The following PTPRG variants were observed in gnomAD, a reference collection of about 807,000 sequenced individuals.
The protein encoded by PTPRG is receptor-type tyrosine-protein phosphatase gamma.
PTPRG carries 102 observed loss-of-function variants against 165.3 expected under a neutral mutation model. That is an observed-to-expected ratio of 0.62 (90% CI 0.53 to 0.73). PTPRG has a LOEUF of 0.73. PTPRG is among the 30% of genes least tolerant of loss of function. The pLI, the probability that PTPRG is intolerant of heterozygous loss-of-function variation, is 0.00. For missense variants in PTPRG, 1,866 were observed against 1,861.4 expected (o/e 1.00, Z -0.05); for synonymous variants, 675 against 669.5 (o/e 1.01, Z -0.13).
At chr3:62,263,030 A>G (rs529616632) in intron 17 of PTPRG, 136 bp downstream of exon 17, 3 of 658,580 alleles carry the variant, frequency 4.6e-6, no homozygotes, top group Non-Finnish European at 7.9e-6. Flanking sequence ...TCATTAGCCC[A>G]TCTTCAACAG....
At chr3:61,754,393 C>A (rs914762266) in intron 2 of PTPRG, among the ~76,000 whole-genome samples, 2 of 152,072 alleles carry the variant, frequency 1.3e-5, no homozygotes, top group African/African-American at 4.8e-5. Flanking sequence ...TTATATGCCA[C>A]CTCACTACAC....
chr3:62,254,909 A>G lies in PTPRG; in HGVS notation c.2468-215A>G, dbSNP rs1024243142. On this transcript the variant is annotated intron_variant, in intron 15 of 29. Coordinates refer to ENST00000474889, the MANE Select transcript of PTPRG (RefSeq NM_002841.4). The surrounding 1 kb of genome is among the most constrained non-coding windows in gnomAD (Gnocchi z 4.6). ...CTCTATGTACCTTTTTTTAAAAACCATATTTAACCTGGCTTGTAGGCATTA... is the reference window on the plus strand; with the variant it reads ...CTCTATGTACCTTTTTTTAAAAACCGTATTTAACCTGGCTTGTAGGCATTA... Among the ~76,000 whole-genome samples, 31 of 152,102 alleles carry G rather than the reference A, an allele frequency of 2.0e-4. No individual in the cohort carries two copies. The highest frequency in any genetic ancestry group is 1.5e-5 in the Non-Finnish European group (1 of 68,002).
At chr3:62,268,423 C>T (rs977876632) in intron 19 of PTPRG, among the ~76,000 whole-genome samples, 9 of 152,080 alleles carry the variant, frequency 5.9e-5, no homozygotes, top group African/African-American at 1.9e-4. Flanking sequence ...GTGCATCAAA[C>T]CACTATGGCA....
intron 1 of PTPRG, among the ~76,000 whole-genome samples, chr3:61,731,608 A>G (rs1161845913): frequency 6.6e-6 from 1 of 151,914 alleles, no homozygotes; most frequent in Non-Finnish European, 1.5e-5. Flanking sequence ...CGGCCTCCCA[A>G]AGTGCTGGGA....
At position 62,210,743 on chromosome 3, in the gene PTPRG, T is replaced by C. The variant is rs2106862070; in HGVS notation, c.2155+6793T>C. Among the ~76,000 whole-genome samples, 1 of 152,338 alleles carries C rather than the reference T, an allele frequency of 6.6e-6. No homozygotes were observed. Among genetic ancestry groups the C allele is most frequent in the Admixed American group, 6.5e-5 (1 of 15,300 alleles). On this transcript the variant is annotated intron_variant, in intron 12 of 29. Coordinates refer to ENST00000474889, the MANE Select transcript of PTPRG (RefSeq NM_002841.4). The surrounding 1 kb of genome is among the most constrained non-coding windows in gnomAD (Gnocchi z 4.1). ...GACCTTTATGATGACCCACTTCCACTTAATGAATAGTAAATATAAATATGT... is the reference window on the plus strand; with the variant it reads ...GACCTTTATGATGACCCACTTCCACCTAATGAATAGTAAATATAAATATGT...
chr3:61,912,348 C>G (rs2038823307), intron 2 of PTPRG, among the ~76,000 whole-genome samples: 1 of 152,002 alleles, frequency 6.6e-6, no homozygotes, highest in Non-Finnish European at 1.5e-5. Flanking sequence ...GAGGAATTTG[C>G]ATAATGAAGA....
intron 4 of PTPRG, among the ~76,000 whole-genome samples, chr3:62,046,672 A>T (rs1249191524): frequency 2.0e-5 from 3 of 151,878 alleles, no homozygotes; most frequent in East Asian, 1.9e-4. Flanking sequence ...TTTTTTTTTT[A>T]AATCAGACTT....
At chr3:62,008,549 A>G (rs754223374) in intron 4 of PTPRG, among the ~76,000 whole-genome samples, 2 of 152,196 alleles carry the variant, frequency 1.3e-5, no homozygotes, top group African/African-American at 2.4e-5. Flanking sequence ...CAGGTCTGCA[A>G]TCCCTTATCT....
intron 5 of PTPRG, among the ~76,000 whole-genome samples, chr3:62,117,571 G>C (rs1023645052): frequency 1.7e-4 from 26 of 151,982 alleles, no homozygotes; most frequent in African/African-American, 6.0e-4. Context: ...AAGCCTCCCC[G>C]GTTGGTAACA....
At chr3:61,956,308 ACG>A (rs2107634017) in intron 2 of PTPRG, among the ~76,000 whole-genome samples, 1 of 145,698 alleles carries the variant, frequency 6.9e-6, no homozygotes, top group South Asian at 2.2e-4. Context: ...ACACACACAC[ACG>A]CTTACTACAT....
rs755055468 is a variant in PTPRG, at chr3:62,083,427, C to T, written c.615+5169C>T. 4.6e-5 allele frequency among the ~76,000 whole-genome samples: 7 copies of T among 152,158 alleles called. No individual in the cohort carries two copies. The East Asian group carries it at 9.7e-4, about 21-fold the overall frequency. Reference sequence around the variant, plus strand: ...TGCCATTACTTTTAAAGGCAAAAACCGCAATTACTTTTGCAGCAACCTAAA... The same window carrying T: ...TGCCATTACTTTTAAAGGCAAAAACTGCAATTACTTTTGCAGCAACCTAAA... On this transcript the variant is annotated intron_variant, in intron 5 of 29. Transcript: ENST00000474889.
chr3:61,641,308 A>G (rs543933185), intron 1 of PTPRG, among the ~76,000 whole-genome samples: 3 of 152,318 alleles, frequency 2.0e-5, no homozygotes, highest in African/African-American at 7.2e-5. Flanking sequence ...ATGGAAACAG[A>G]TGAAGTCCCT....
At chr3:62,180,130 C>T (rs940912054) in intron 8 of PTPRG, among the ~76,000 whole-genome samples, 7 of 152,192 alleles carry the variant, frequency 4.6e-5, no homozygotes, top group Non-Finnish European at 8.8e-5. Flanking sequence ...TCATAATAAT[C>T]TAGACTCAAG....
chr3:62,218,903 G>GTGGATA lies in PTPRG; in HGVS notation c.2213_2214insATGGAT (p.Trp737_Ile738dup). ...GCCGCCCTGCTCCAGGGAGGATGGA[G>GTGGATA]TGGATCATCCCTCTGATTGTGGTAT... On this transcript the variant is annotated inframe_insertion, in exon 13 of 30. Transcript: ENST00000474889. 1 of 1,613,944 alleles carries GTGGATA rather than the reference G, an allele frequency of 6.2e-7. No homozygotes were observed. Among genetic ancestry groups the GTGGATA allele is most frequent in the East Asian group, 2.2e-5 (1 of 44,874 alleles).
chr3:61,636,738 A>T (rs1282127736), intron 1 of PTPRG, among the ~76,000 whole-genome samples: 1 of 152,142 alleles, frequency 6.6e-6, no homozygotes, highest in Non-Finnish European at 1.5e-5. Flanking sequence ...TCCACTTTTG[A>T]CTATCATGAA....
intron 5 of PTPRG, among the ~76,000 whole-genome samples, chr3:62,090,772 G>C (rs960780968): frequency 6.6e-6 from 1 of 152,198 alleles, no homozygotes; most frequent in Admixed American, 6.5e-5. Context: ...AGCCCTCTGA[G>C]AAGGAGATTC....
In PTPRG at chr3:62,210,278, G is replaced by C. The variant is rs73840269; in HGVS notation, c.2155+6328G>C. 0.013 allele frequency among the ~76,000 whole-genome samples: 2,035 copies of C among 152,230 alleles called. 44 individuals are homozygous for C. Among genetic ancestry groups the C allele is most frequent in the African/African-American group, 0.046 (1,917 of 41,522 alleles). On this transcript the variant is annotated intron_variant, in intron 12 of 29. Coordinates refer to ENST00000474889, the MANE Select transcript of PTPRG (RefSeq NM_002841.4). This position sits in a 1 kb window ranked among gnomAD's most constrained non-coding sequence, Gnocchi z 4.1. ...GAGAACATATTTATTTGTAACTGAT[G>C]AACAATCATTTCTCTGCAGCAGTGG...
At chr3:61,582,826 C>G (rs1346649468) in intron 1 of PTPRG, among the ~76,000 whole-genome samples, 2 of 152,166 alleles carry the variant, frequency 1.3e-5, no homozygotes, top group Non-Finnish European at 2.9e-5. Flanking sequence ...TAGCACTTTG[C>G]TTCGGGTTTT....
rs576482573 is a variant in PTPRG at position 62,228,228 on chromosome 3, C to G, written c.2289-2997C>G. Among the ~76,000 whole-genome samples, 1 of 151,964 alleles carries G rather than the reference C, an allele frequency of 6.6e-6. No individual in the cohort carries two copies. The highest frequency in any genetic ancestry group is 6.6e-5 in the Admixed American group (1 of 15,252). On this transcript the variant is annotated intron_variant, in intron 13 of 29. Coordinates refer to ENST00000474889, the MANE Select transcript of PTPRG (RefSeq NM_002841.4). This position sits in a 1 kb window ranked among gnomAD's most constrained non-coding sequence, Gnocchi z 4.1. ...TGTTTGGACTGTATTTTTTACAAAA[C>G]AAAGAAAAAGGAGGCTGGGCGCGGT...
Sources: gnomAD v4.1 joint callset for allele counts (sites outside exome capture counted in the v4.1 genomes callset) on GRCh38, gnomAD v4.1.1 for gene constraint, Gnocchi (gnomAD v3.1) non-coding constraint, MANE v1.5 for transcripts, NCBI Gene and HGNC (gene_info 2026-07-23, HGNC 2026-07-21) for gene names.